ALDH1A1: variants seen among roughly 807,000 people sequenced by gnomAD.
ALDH1A1 encodes aldehyde dehydrogenase 1A1.
A neutral mutation model predicts 62.1 loss-of-function variants in ALDH1A1; 19 were observed. That is an observed-to-expected ratio of 0.31 (90% CI 0.21 to 0.45). ALDH1A1 has a LOEUF of 0.45. Ranked by LOEUF, ALDH1A1 falls within the 20% of genes least tolerant of loss-of-function variation. ALDH1A1 has a pLI of 1.00. For missense variants in ALDH1A1, 521 were observed against 607.1 expected (o/e 0.86, Z 1.49); for synonymous variants, 231 against 215.9 (o/e 1.07, Z -0.61).
chr9:72,936,303 A>G (rs1327480525), intron 2 of ALDH1A1, among the ~76,000 whole-genome samples: 2 of 152,216 alleles, frequency 1.3e-5, no homozygotes, highest in Non-Finnish European at 2.9e-5. Context: ...ACAAGGTTTC[A>G]ACTGGAACTT....
At chr9:72,921,077 C>G (rs868235650) in intron 7 of ALDH1A1, among the ~76,000 whole-genome samples, 7 of 152,064 alleles carry the variant, frequency 4.6e-5, no homozygotes, top group African/African-American at 9.7e-5. Context: ...GAAACCCCAA[C>G]TCTACTAAAA....
At chr9:72,940,499 A>T (rs1476657985) in intron 1 of ALDH1A1, among the ~76,000 whole-genome samples, 1 of 152,194 alleles carries the variant, frequency 6.6e-6, no homozygotes, top group Non-Finnish European at 1.5e-5. Context: ...CATACTGGAG[A>T]AAACAATCTA....
chr9:72,909,506 A>C lies in ALDH1A1; in HGVS notation c.1358+96T>G, dbSNP rs533173639. 130 of 1,237,422 alleles carry C rather than the reference A, an allele frequency of 1.1e-4. 1 individual carries two copies. The South Asian group carries it at 2.2e-3, about 21-fold the overall frequency. The allele number at this position is 1,237,422 out of a possible 1,614,324, so 76.7% of individuals were successfully genotyped here. ...AACTGCTTTTCTAGAAGGATAGGTA[A>C]TTCCAAATGAAAAATCCAAGTCTGA... On this transcript the variant is annotated intron_variant, in intron 11 of 12. Coordinates refer to ENST00000297785, the MANE Select transcript of ALDH1A1 (RefSeq NM_000689.5).
At chr9:72,929,601 A>G (rs1444732672) in intron 3 of ALDH1A1, among the ~76,000 whole-genome samples, 1 of 152,208 alleles carries the variant, frequency 6.6e-6, no homozygotes. Context: ...ATGGTCAGGT[A>G]AAGTTAAACA....
intron 12 of ALDH1A1, among the ~76,000 whole-genome samples, chr9:72,904,110 A>G (rs529366243): frequency 6.6e-6 from 1 of 152,046 alleles, no homozygotes; most frequent in African/African-American, 2.4e-5. Flanking sequence ...GAACATCTCC[A>G]CCAAATATGA....
At chr9:72,922,158 C>T (rs576674253) in intron 7 of ALDH1A1, among the ~76,000 whole-genome samples, 3 of 152,118 alleles carry the variant, frequency 2.0e-5, no homozygotes, top group African/African-American at 4.8e-5. Flanking sequence ...ATGTACTGAG[C>T]GCTCAGTAGG....
chr9:72,940,397 C>T (rs1830402059), intron 1 of ALDH1A1, 145 bp from the exon 2 acceptor site: 2 of 641,126 alleles, frequency 3.1e-6, no homozygotes, highest in African/African-American at 3.6e-5. Flanking sequence ...CTGTTTGAGA[C>T]ATTTTGTGTT....
Position 72,912,021 on chromosome 9 carries a change from G to A in ALDH1A1, c.1137C>T (p.Gly379=), listed in dbSNP as rs1455392610. Residue 379 remains glycine (G), a synonymous_variant, in exon 10 of 13, where the codon GGC becomes GGT. Transcript: ENST00000297785. ...ECGGGPWGNK[G]YFVQPTVFSN... ...AGAACACTGTGGGCTGGACAAAGTA[G>A]CCTTTATTCCCCCACGGGCCTCCTC... 5.0e-6 allele frequency: 8 copies of A among 1,613,978 alleles called. No homozygotes were observed. The highest frequency in any genetic ancestry group is 4.4e-5 in the South Asian group (4 of 91,066).
At chr9:72,926,451 T>C (rs993264503) in intron 5 of ALDH1A1, among the ~76,000 whole-genome samples, 2 of 152,214 alleles carry the variant, frequency 1.3e-5, no homozygotes, top group African/African-American at 4.8e-5. Flanking sequence ...TTTGGCCTTT[T>C]AAAGCATGTC....
rs1356850473 is a variant in ALDH1A1, at chr9:72,901,133, T to C, written c.*75A>G. The C allele has an allele frequency of 6.8e-6, 8 of 1,181,418 alleles. No individual in the cohort carries two copies. The highest frequency in any genetic ancestry group is 1.5e-5 in the South Asian group (1 of 67,142). The allele number at this position is 1,181,418 out of a possible 1,614,324, so 73.2% of individuals were successfully genotyped here. On this transcript the variant is annotated 3_prime_UTR_variant, in exon 13 of 13. Coordinates refer to ENST00000297785, the MANE Select transcript of ALDH1A1 (RefSeq NM_000689.5). ...AATCAAGAAAAGAAAAATTTTGTCTTTAAAATCTACTATATTAGTGACTGT... is the reference window on the plus strand; with the variant it reads ...AATCAAGAAAAGAAAAATTTTGTCTCTAAAATCTACTATATTAGTGACTGT...
intron 1 of ALDH1A1, chr9:72,942,480 T>C (rs962529622): frequency 1.6e-6 from 1 of 634,320 alleles, no homozygotes; most frequent in Non-Finnish European, 2.0e-6. Context: ...TAAAAAAGCT[T>C]TCCCTGTTCT....
intron 2 of ALDH1A1, among the ~76,000 whole-genome samples, chr9:72,934,136 G>T (rs1013656660): frequency 2.0e-5 from 3 of 151,986 alleles, no homozygotes; most frequent in Non-Finnish European, 2.9e-5. Context: ...TGTCAAAGCT[G>T]GTCTAAAATT....
At chr9:72,922,777 G>A (rs781079069) in intron 7 of ALDH1A1, among the ~76,000 whole-genome samples, 7 of 152,130 alleles carry the variant, frequency 4.6e-5, no homozygotes, top group Non-Finnish European at 1.0e-4. Flanking sequence ...ATTTTTAAAT[G>A]TATTGCCATA....
intron 1 of ALDH1A1, among the ~76,000 whole-genome samples, chr9:72,948,507 G>A (rs754295777): frequency 3.3e-5 from 5 of 151,702 alleles, no homozygotes; most frequent in Non-Finnish European, 5.9e-5. Flanking sequence ...TCTTGTCCTC[G>A]GGGTCTTTGC....
intron 1 of ALDH1A1, among the ~76,000 whole-genome samples, chr9:72,941,442 A>G (rs1180936899): frequency 6.6e-6 from 1 of 152,154 alleles, no homozygotes; most frequent in African/African-American, 2.4e-5. Flanking sequence ...TTCATTCTAT[A>G]TTCTGTGATT....
chr9:72,907,167 T>A (rs767897091), intron 11 of ALDH1A1, among the ~76,000 whole-genome samples: 1 of 152,216 alleles, frequency 6.6e-6, no homozygotes, highest in Non-Finnish European at 1.5e-5. Flanking sequence ...CTTAACTATG[T>A]CTCTCATCCT....
At chr9:72,905,490 T>TCAA (rs1387015082) in intron 12 of ALDH1A1, among the ~76,000 whole-genome samples, 1 of 152,146 alleles carries the variant, frequency 6.6e-6, no homozygotes, top group African/African-American at 2.4e-5. Flanking sequence ...CAATAATATC[T>TCAA]CAACAAATGG....
chr9:72,934,202 A>G (rs1251393837), intron 2 of ALDH1A1, among the ~76,000 whole-genome samples: 1 of 152,170 alleles, frequency 6.6e-6, no homozygotes, highest in Non-Finnish European at 1.5e-5. Flanking sequence ...GATTACAGGC[A>G]CACAGGGATT....
chr9:72,945,175 T>C (rs1376787874), intron 1 of ALDH1A1, among the ~76,000 whole-genome samples: 2 of 152,088 alleles, frequency 1.3e-5, no homozygotes, highest in African/African-American at 4.8e-5. Context: ...TCTCAAAATA[T>C]TTCTGGCTTG....
Sources: gnomAD v4.1 joint callset for allele counts (sites outside exome capture counted in the v4.1 genomes callset) on GRCh38, gnomAD v4.1.1 for gene constraint, MANE v1.5 for transcripts, NCBI Gene and HGNC (gene_info 2026-07-23, HGNC 2026-07-21) for gene names.